RERE: variants seen among roughly 807,000 people sequenced by gnomAD.
RERE encodes arginine-glutamic acid dipeptide repeats protein.
A neutral mutation model predicts 146.1 loss-of-function variants in RERE; 40 were observed. The observed-to-expected ratio is 0.27, with a 90% CI of 0.21 to 0.36. RERE has a LOEUF of 0.36. RERE is among the 10% of genes least tolerant of loss of function. RERE has a pLI of 1.00. For missense variants in RERE, 1,933 were observed against 2,138.7 expected, an observed-to-expected ratio of 0.90 and a Z score of 1.90; for synonymous variants, 1,003 against 866.0, an observed-to-expected ratio of 1.16 and a Z score of -2.78.
At chr1:8,572,490 TAAGAGGTAA>T (rs1415517945) in intron 4 of RERE, among the ~76,000 whole-genome samples, 2 of 152,208 alleles carry the variant, frequency 1.3e-5, no homozygotes, top group Non-Finnish European at 2.9e-5. Context: ...ACTTCTGGGC[TAAGAGGTAA>T]TATGGTCTCA....
At chr1:8,678,488 C>CA (rs34040687) in intron 1 of RERE, among the ~76,000 whole-genome samples, 43,020 of 137,068 alleles carry the variant, frequency 0.31, 7,736 homozygotes, top group Non-Finnish European at 0.4. Flanking sequence ...ACTAAAAATA[C>CA]AAAAAAAAAA....
At chr1:8,673,287 G>C (rs1020321412) in intron 1 of RERE, among the ~76,000 whole-genome samples, 4 of 152,152 alleles carry the variant, frequency 2.6e-5, no homozygotes, top group Non-Finnish European at 2.9e-5. Context: ...GTACAGACAG[G>C]GTTTCACCAC....
intron 1 of RERE, among the ~76,000 whole-genome samples, chr1:8,758,594 G>C (rs571658837): frequency 1.3e-5 from 2 of 151,698 alleles, no homozygotes; most frequent in African/African-American, 2.4e-5. Context: ...ACGAGGTCTC[G>C]CCAAGCTGGT....
At chr1:8,788,655 G>A (rs1453439957) in intron 1 of RERE, among the ~76,000 whole-genome samples, 3 of 132,506 alleles carry the variant, frequency 2.3e-5, no homozygotes, top group Non-Finnish European at 4.7e-5. Context: ...GAGCCACTGC[G>A]CCCAGCCAGT....
intron 1 of RERE, chr1:8,750,579 A>G: frequency 9.9e-7 from 1 of 1,008,502 alleles, no homozygotes; most frequent in Admixed American, 1.7e-5. Flanking sequence ...AAGCTTATTT[A>G]TGAAAAAGCA....
At chr1:8,383,114 A>T (rs1472432367) in intron 12 of RERE, among the ~76,000 whole-genome samples, 1 of 152,048 alleles carries the variant, frequency 6.6e-6, no homozygotes, top group African/African-American at 2.4e-5. Flanking sequence ...GTCAAAGAAT[A>T]AGAGAATGTT....
chr1:8,361,973 C>T, intron 16 of RERE, 97 bp from the exon 17 acceptor site: 1 of 837,740 alleles, frequency 1.2e-6, no homozygotes, highest in Non-Finnish European at 1.9e-6. Flanking sequence ...TTTGCTCCCT[C>T]ATTCTGAGTT....
chr1:8,705,844 C>T (rs1639546326), intron 1 of RERE, among the ~76,000 whole-genome samples: 1 of 152,132 alleles, frequency 6.6e-6, no homozygotes, highest in Non-Finnish European at 1.5e-5. Context: ...TGGCCGGATG[C>T]GGTGGCTCAC....
intron 1 of RERE, among the ~76,000 whole-genome samples, chr1:8,667,419 A>G (rs1001266613): frequency 6.6e-6 from 1 of 152,238 alleles, no homozygotes; most frequent in Non-Finnish European, 1.5e-5. Flanking sequence ...TCATGCCTGT[A>G]ATCCCAGCAT....
At chr1:8,491,428 C>G (rs1644978642) in intron 10 of RERE, among the ~76,000 whole-genome samples, 1 of 151,012 alleles carries the variant, frequency 6.6e-6, no homozygotes, top group Non-Finnish European at 1.5e-5. Flanking sequence ...GAGCAAAACT[C>G]CATCTCAAAA....
intron 1 of RERE, among the ~76,000 whole-genome samples, chr1:8,670,124 G>A (rs1638679635): frequency 6.6e-6 from 1 of 152,176 alleles, no homozygotes. Context: ...CTAACTGGGT[G>A]TGATTCTAGG....
intron 7 of RERE, among the ~76,000 whole-genome samples, chr1:8,528,230 G>A (rs191133057): frequency 5.5e-4 from 84 of 152,172 alleles, no homozygotes; most frequent in Non-Finnish European, 5.1e-4. Flanking sequence ...CAAAAAGGTC[G>A]ATGTCATAAA....
intron 10 of RERE, among the ~76,000 whole-genome samples, chr1:8,489,140 T>C (rs1159692156): frequency 6.6e-6 from 1 of 151,920 alleles, no homozygotes; most frequent in African/African-American, 2.4e-5. Context: ...GGCCAGGCAT[T>C]CTAGACCAGC....
At chr1:8,458,137 GAA>G (rs1470240502) in intron 11 of RERE, among the ~76,000 whole-genome samples, 3 of 152,248 alleles carry the variant, frequency 2.0e-5, no homozygotes, top group African/African-American at 7.2e-5. Context: ...CTGTTGCTAA[GAA>G]ACTGCACAAG....
intron 1 of RERE, among the ~76,000 whole-genome samples, chr1:8,810,918 A>G (rs1436702663): frequency 1.3e-5 from 2 of 152,218 alleles, no homozygotes; most frequent in Non-Finnish European, 2.9e-5. Flanking sequence ...ACAGGTAGTC[A>G]GTAGGCGGGC....
At chr1:8,594,954 C>T (rs1160973197) in intron 4 of RERE, among the ~76,000 whole-genome samples, 1 of 152,006 alleles carries the variant, frequency 6.6e-6, no homozygotes, top group Non-Finnish European at 1.5e-5. Context: ...AGGCCAGGAG[C>T]CTGATACCAG....
intron 10 of RERE, among the ~76,000 whole-genome samples, chr1:8,467,710 T>A (rs745339367): frequency 2.6e-5 from 4 of 152,188 alleles, no homozygotes; most frequent in Non-Finnish European, 4.4e-5. Context: ...AGTGGCGCGA[T>A]CACGGCTCAC....
In RERE at chr1:8,361,263, G is replaced by C. The variant is rs1374498160; in HGVS notation, c.2244C>G (p.Thr748=). The C allele has an allele frequency of 6.3e-7, 1 of 1,584,490 alleles. No homozygotes were observed. Among genetic ancestry groups the C allele is most frequent in the African/African-American group, 1.3e-5 (1 of 74,546 alleles). The change falls in exon 18 of 23, where the codon ACC becomes ACG. Residue 748 remains threonine (T), a synonymous_variant. Coordinates refer to ENST00000400908, the MANE Select transcript of RERE (RefSeq NM_001042681.2). ...CTGGAGGAGCTGAGGAGGGAGCTGG[G>C]GTGACCCCAGTGGGAGCCTGCAAGG... is the stretch of plus-strand genomic sequence containing the variant. ...PPALQAPTGV[T]PAPSSAPPGT...
intron 7 of RERE, among the ~76,000 whole-genome samples, chr1:8,512,159 G>A (rs936133854): frequency 6.8e-6 from 1 of 146,488 alleles, no homozygotes; most frequent in Admixed American, 6.9e-5. Context: ...TCAGCCTCCC[G>A]AGTAGCTGGG....
Sources: allele counts gnomAD v4.1 joint callset (sites outside exome capture counted in the v4.1 genomes callset), GRCh38; gene constraint gnomAD v4.1.1; transcripts MANE v1.5; gene names NCBI Gene and HGNC (gene_info 2026-07-23, HGNC 2026-07-21).